Variants in ZNF148 observed in about 807,000 individuals in gnomAD.
ZNF148 encodes the protein Beta-Enolase Repressor Factor-1.
ZNF148 carries 7 observed loss-of-function variants against 67.7 expected under a neutral mutation model. The ratio of observed to expected loss-of-function variants is 0.10; its 90% CI spans 0.06 to 0.19. The LOEUF (loss-of-function observed/expected upper bound fraction) is 0.19, where lower values mean the gene tolerates loss of function less well. Among genes scored for constraint, ZNF148 ranks in the 10% least tolerant of loss-of-function variants. The pLI is 1.00. For synonymous variants in ZNF148, 333 were observed against 330.7 expected, an observed-to-expected ratio of 1.01 and a Z score of -0.08; for missense variants, 583 against 947.1, an observed-to-expected ratio of 0.62 and a Z score of 5.05.
intron 7 of ZNF148, among the ~76,000 whole-genome samples, chr3:125,234,631 A>G (rs577987268): frequency 2.0e-5 from 3 of 152,326 alleles, no homozygotes; most frequent in East Asian, 3.9e-4. Context: ...TGATGTTTCT[A>G]ATCTTTTTTT....
intron 4 of ZNF148, among the ~76,000 whole-genome samples, chr3:125,303,907 G>C (rs1031065500): frequency 1.3e-5 from 2 of 151,976 alleles, no homozygotes; most frequent in African/African-American, 2.4e-5. Context: ...TGAATTTCTT[G>C]ATTTTGACAT....
At chr3:125,240,763 T>A (rs1225495511) in intron 7 of ZNF148, among the ~76,000 whole-genome samples, 23 of 143,846 alleles carry the variant, frequency 1.6e-4, no homozygotes, top group Admixed American at 2.8e-4. Flanking sequence ...AGATCCTGTC[T>A]GCAAAAAAAA....
At chr3:125,325,584 G>A (rs1349608082) in intron 2 of ZNF148, among the ~76,000 whole-genome samples, 1 of 152,028 alleles carries the variant, frequency 6.6e-6, no homozygotes, top group East Asian at 1.9e-4. Context: ...TCCTGCCTCA[G>A]CCTCCCGAGT....
intron 3 of ZNF148, among the ~76,000 whole-genome samples, chr3:125,317,864 G>A (rs990566780): frequency 6.6e-6 from 1 of 151,320 alleles, no homozygotes; most frequent in Non-Finnish European, 1.5e-5. Context: ...AAGCTAACAG[G>A]GTATGAGTAA....
chr3:125,347,232 A>T (rs997067330), intron 1 of ZNF148, among the ~76,000 whole-genome samples: 5 of 152,196 alleles, frequency 3.3e-5, no homozygotes, highest in South Asian at 2.1e-4. Context: ...GGATTGAAAA[A>T]TTTCATATTG....
intron 3 of ZNF148, among the ~76,000 whole-genome samples, chr3:125,319,194 T>G (rs1324080310): frequency 2.0e-5 from 3 of 152,234 alleles, no homozygotes; most frequent in African/African-American, 7.2e-5. Flanking sequence ...ACTCTTCTTG[T>G]GGTCACCTTC....
At chr3:125,319,034 T>C (rs183546540) in intron 3 of ZNF148, among the ~76,000 whole-genome samples, 2 of 152,140 alleles carry the variant, frequency 1.3e-5, no homozygotes, top group Admixed American at 6.5e-5. Flanking sequence ...ATCCTTCCTA[T>C]TGACACGTGT....
intron 1 of ZNF148, among the ~76,000 whole-genome samples, chr3:125,350,545 C>T (rs534844254): frequency 1.4e-4 from 21 of 152,220 alleles, no homozygotes; most frequent in African/African-American, 4.6e-4. Context: ...ACTGGTTTCA[C>T]GGAAGACAAT....
In ZNF148 at chr3:125,232,717, G is replaced by A; in HGVS notation, c.2009C>T (p.Thr670Ile). The part of the protein sequence containing the change: ...RSGMNSPLRT[T>I]PDKSHFGLIV... ...TAGTCCAAAGTGGGACTTATCTGGA[G>A]TTGTTCTTAGTGGAGAATTCATTCC... is the stretch of plus-strand genomic sequence containing the variant. The change falls in exon 9 of 9, where the codon ACT (threonine) becomes ATT (isoleucine). Residue 670 changes from threonine (T) to isoleucine (I), a missense_variant. Thr to Ile is a moderately conservative substitution (Grantham distance 89). Around this residue, in one of 5 missense-constraint regions of ZNF148, gnomAD observed 158 missense variants for 208.4 expected, o/e 0.76. Transcript: ENST00000360647. The surrounding 1 kb of genome is among the most constrained non-coding windows in gnomAD (Gnocchi z 4.2). 1 of 1,613,866 alleles carries A rather than the reference G, an allele frequency of 6.2e-7. No individual in the cohort carries two copies. Among genetic ancestry groups the A allele is most frequent in the Non-Finnish European group, 8.5e-7 (1 of 1,179,802 alleles).
At chr3:125,277,305 T>G (rs928350864) in intron 7 of ZNF148, among the ~76,000 whole-genome samples, 2 of 152,180 alleles carry the variant, frequency 1.3e-5, no homozygotes, top group African/African-American at 4.8e-5. Flanking sequence ...AGTTCTCAAC[T>G]TTTTAAGATT....
intron 7 of ZNF148, among the ~76,000 whole-genome samples, chr3:125,265,561 A>G (rs769168938): frequency 2.6e-5 from 4 of 152,240 alleles, no homozygotes; most frequent in Non-Finnish European, 4.4e-5. Context: ...AGATTTTTCT[A>G]TTGGGATAAA....
chr3:125,321,416 A>AT (rs369621876), intron 3 of ZNF148, among the ~76,000 whole-genome samples: 9 of 151,662 alleles, frequency 5.9e-5, no homozygotes, highest in Non-Finnish European at 7.4e-5. Context: ...AAAAAACTCT[A>AT]TTTTTTCACC....
chr3:125,235,745 A>G lies in ZNF148; in HGVS notation c.668-1416T>C, dbSNP rs572597454. ...ACTGGATTAAGAAAATGTGGCACATATACACCATGGAATACTATGCAGCCA... is the reference window on the plus strand; with the variant it reads ...ACTGGATTAAGAAAATGTGGCACATGTACACCATGGAATACTATGCAGCCA... On this transcript the variant is annotated intron_variant, in intron 7 of 8. Coordinates refer to ENST00000360647, the MANE Select transcript of ZNF148 (RefSeq NM_021964.3). Among the ~76,000 whole-genome samples, 15 of 152,124 alleles carry G rather than the reference A, an allele frequency of 9.9e-5. No individual in the cohort carries two copies. The East Asian group carries it at 2.7e-3, about 27-fold the overall frequency.
chr3:125,242,791 C>T (rs1282099501), intron 7 of ZNF148, among the ~76,000 whole-genome samples: 3 of 152,356 alleles, frequency 2.0e-5, no homozygotes, highest in Non-Finnish European at 4.4e-5. Flanking sequence ...TTCTTGATCA[C>T]ACTTACCATT....
At chr3:125,248,146 T>C in intron 7 of ZNF148, among the ~76,000 whole-genome samples, 1 of 152,214 alleles carries the variant, frequency 6.6e-6, no homozygotes, top group East Asian at 1.9e-4. Flanking sequence ...ATGACGTATG[T>C]AAAATTAGTA....
At chr3:125,363,945 A>G (rs1326905003) in intron 1 of ZNF148, among the ~76,000 whole-genome samples, 1 of 152,182 alleles carries the variant, frequency 6.6e-6, no homozygotes, top group Non-Finnish European at 1.5e-5. Flanking sequence ...CACTGTGTCC[A>G]GCCTACTTCA....
At chr3:125,349,548 A>C (rs1394452320) in intron 1 of ZNF148, among the ~76,000 whole-genome samples, 1 of 152,252 alleles carries the variant, frequency 6.6e-6, no homozygotes, top group African/African-American at 2.4e-5. Context: ...CACACCAGTA[A>C]GAATGGCTAT....
intron 3 of ZNF148, among the ~76,000 whole-genome samples, chr3:125,319,779 C>T (rs977910907): frequency 2.6e-5 from 4 of 152,306 alleles, no homozygotes; most frequent in African/African-American, 7.2e-5. Flanking sequence ...CCCAAGGATA[C>T]ATAGCTCAGA....
chr3:125,360,448 G>A (rs1366021693), intron 1 of ZNF148, among the ~76,000 whole-genome samples: 1 of 151,952 alleles, frequency 6.6e-6, no homozygotes, highest in African/African-American at 2.4e-5. Flanking sequence ...ACCATGCCCA[G>A]CTAATTTTTT....
Sources: gnomAD v4.1 joint callset for allele counts (sites outside exome capture counted in the v4.1 genomes callset) on GRCh38, gnomAD v4.1.1 for gene constraint, gnomAD v4.1.1 regional missense constraint, Gnocchi (gnomAD v3.1) non-coding constraint, MANE v1.5 for transcripts, NCBI Gene and HGNC (gene_info 2026-07-23, HGNC 2026-07-21) for gene names.